The following SHQ1 variants were observed in gnomAD, a reference collection of about 807,000 sequenced individuals.
SHQ1 encodes the protein SHQ1, H/ACA ribonucleoprotein assembly factor.
In SHQ1, 49 loss-of-function variants were observed where a neutral mutation model predicts 53.8. That is an observed-to-expected ratio of 0.91 (90% CI 0.72 to 1.16). The LOEUF is 1.16. SHQ1 is among the 50% of genes most tolerant of loss of function. The pLI, the probability that SHQ1 is intolerant of heterozygous loss-of-function variation, is 0.00. For missense variants in SHQ1, 738 were observed against 683.1 expected (o/e 1.08, Z -0.90); for synonymous variants, 243 against 251.0 (o/e 0.97, Z 0.30).
At chr3:72,805,167 A>G (rs1424031804) in intron 9 of SHQ1, among the ~76,000 whole-genome samples, 1 of 152,208 alleles carries the variant, frequency 6.6e-6, no homozygotes, top group Non-Finnish European at 1.5e-5. Flanking sequence ...AGAAAAACAA[A>G]AAAAAATTAA....
the SHQ1 span, among the ~76,000 whole-genome samples, chr3:72,726,215 C>T: frequency 6.6e-6 from 1 of 152,230 alleles, no homozygotes; most frequent in Non-Finnish European, 1.5e-5. Flanking sequence ...ATAGCAAAGA[C>T]TCCCGCCCAG....
At chr3:72,747,052 G>A (rs1347871754), downstream of SHQ1, among the ~76,000 whole-genome samples, 1 of 152,142 alleles carries the variant, frequency 6.6e-6, no homozygotes, top group East Asian at 1.9e-4. Flanking sequence ...ATACAACCTG[G>A]AAAAGTACAA....
intron 1 of SHQ1, chr3:72,846,350 G>A: frequency 1.3e-6 from 2 of 1,506,282 alleles, no homozygotes; most frequent in South Asian, 2.5e-5. Flanking sequence ...GCTGGAGTGC[G>A]ATAGCGCAAT....
chr3:72,842,976 C>T (rs1205048909), intron 2 of SHQ1, among the ~76,000 whole-genome samples: 5 of 151,676 alleles, frequency 3.3e-5, no homozygotes, highest in Admixed American at 2.0e-4. Flanking sequence ...ACTTGGGAGG[C>T]TGAGGCAGGA....
At chr3:72,787,794 C>T (rs539480969) in intron 10 of SHQ1, among the ~76,000 whole-genome samples, 17 of 152,028 alleles carry the variant, frequency 1.1e-4, no homozygotes, top group African/African-American at 3.9e-4. Flanking sequence ...GCCGCCATCT[C>T]GACTCACTGC....
intron 10 of SHQ1, among the ~76,000 whole-genome samples, chr3:72,776,829 T>C (rs973406505): frequency 1.1e-4 from 17 of 152,134 alleles, no homozygotes; most frequent in African/African-American, 3.4e-4. Context: ...GCTACAGTAA[T>C]TAAGAAAGTA....
chr3:72,736,956 T>C, the SHQ1 span, among the ~76,000 whole-genome samples: 1 of 151,806 alleles, frequency 6.6e-6, no homozygotes, highest in Non-Finnish European at 1.5e-5. Flanking sequence ...GAGTTTATAC[T>C]GGGAAGGAAA....
chr3:72,832,264 T>G lies in SHQ1; in HGVS notation c.599+105A>C, dbSNP rs114917255. The G allele has an allele frequency of 7.5e-4, 575 of 768,306 alleles. 2 individuals are homozygous for G. In the African/African-American group the frequency reaches 8.8e-3, roughly 12 times the overall value. The allele number at this position is 768,306 out of a possible 1,614,324, so 47.6% of individuals were successfully genotyped here. On this transcript the variant is annotated intron_variant, in intron 5 of 10. Coordinates refer to ENST00000325599, the MANE Select transcript of SHQ1 (RefSeq NM_018130.3). ...TTAAGGTCTTCAGTCATCAATAATT[T>G]CTGGAATCCGAAATGCACATCCCTA...
chr3:72,787,517 T>C (rs1487577632), intron 10 of SHQ1, among the ~76,000 whole-genome samples: 1 of 152,204 alleles, frequency 6.6e-6, no homozygotes, highest in East Asian at 1.9e-4. Context: ...TAATGTGAAA[T>C]TTTCTCAGTG....
chr3:72,839,588 T>G (rs1240698560), intron 4 of SHQ1, among the ~76,000 whole-genome samples: 1 of 152,184 alleles, frequency 6.6e-6, no homozygotes, highest in East Asian at 1.9e-4. Context: ...GGTGGGCAAA[T>G]TTATCTCCAC....
At chr3:72,843,376 TAA>T (rs1290422052) in intron 2 of SHQ1, among the ~76,000 whole-genome samples, 1 of 152,222 alleles carries the variant, frequency 6.6e-6, no homozygotes, top group African/African-American at 2.4e-5. Flanking sequence ...GATCTATCCC[TAA>T]AGTCTATGGC....
chr3:72,839,667 G>A (rs901491900), intron 4 of SHQ1, among the ~76,000 whole-genome samples: 2 of 152,158 alleles, frequency 1.3e-5, no homozygotes, highest in Non-Finnish European at 2.9e-5. Context: ...CTTAACAGAG[G>A]TAGGAGCGGG....
intron 9 of SHQ1, among the ~76,000 whole-genome samples, chr3:72,811,895 G>T (rs1444836567): frequency 6.6e-6 from 1 of 152,152 alleles, no homozygotes; most frequent in East Asian, 1.9e-4. Context: ...AGTCTCCCCA[G>T]GGGGAGAATA....
intron 6 of SHQ1, among the ~76,000 whole-genome samples, chr3:72,818,618 A>C (rs554639982): frequency 5.3e-5 from 8 of 152,320 alleles, no homozygotes; most frequent in African/African-American, 1.9e-4. Context: ...GAATTCTAAG[A>C]TGACTTCCAA....
chr3:72,778,779 C>A (rs1171813803), intron 10 of SHQ1, among the ~76,000 whole-genome samples: 1 of 152,130 alleles, frequency 6.6e-6, no homozygotes, highest in East Asian at 1.9e-4. Flanking sequence ...GTACAGATCA[C>A]CACAAAAGAG....
chr3:72,788,157 G>A (rs1285410093), intron 10 of SHQ1, among the ~76,000 whole-genome samples: 10 of 151,368 alleles, frequency 6.6e-5, no homozygotes, highest in Non-Finnish European at 1.3e-4. Flanking sequence ...AGTGAGGAGC[G>A]TCTCTGCCTG....
chr3:72,784,694 C>T (rs1706172760), intron 10 of SHQ1, among the ~76,000 whole-genome samples: 1 of 152,206 alleles, frequency 6.6e-6, no homozygotes, highest in Non-Finnish European at 1.5e-5. Context: ...GCTAATTTAA[C>T]ACTTAGCATT....
chr3:72,811,171 A>G (rs562301927), intron 9 of SHQ1, among the ~76,000 whole-genome samples: 1 of 152,206 alleles, frequency 6.6e-6, no homozygotes, highest in Non-Finnish European at 1.5e-5. Context: ...TAGTCTGTAT[A>G]TGTGAGTGAG....
the SHQ1 span, among the ~76,000 whole-genome samples, chr3:72,730,011 G>C: frequency 1.1e-4 from 17 of 151,682 alleles, no homozygotes; most frequent in South Asian, 1.7e-3. Flanking sequence ...GTAGAGACGG[G>C]GTTTCACCGT....
Sources: allele counts gnomAD v4.1 joint callset (sites outside exome capture counted in the v4.1 genomes callset), GRCh38; gene constraint gnomAD v4.1.1; transcripts MANE v1.5; gene names NCBI Gene and HGNC (gene_info 2026-07-23, HGNC 2026-07-21).